The following RHEX variants were observed in gnomAD, a reference collection of about 807,000 sequenced individuals.
The protein encoded by RHEX is regulator of hemoglobinization and erythroid cell expansion protein.
A neutral mutation model predicts 20.1 loss-of-function variants in RHEX; 18 were observed. The observed-to-expected ratio is 0.90, with a 90% CI of 0.62 to 1.33. The LOEUF is 1.33. Ranked by LOEUF, RHEX falls within the 40% of genes most tolerant of loss-of-function variation. The probability of loss-of-function intolerance (pLI) is 0.00; values close to 1 mark genes in which losing one functional copy is unlikely to be tolerated. For missense variants in RHEX, 192 were observed against 214.3 expected (o/e 0.90, Z 0.65); for synonymous variants, 87 against 77.1 (o/e 1.13, Z -0.67).
At chr1:206,057,491 A>C (rs1189337828) in intron 1 of RHEX, among the ~76,000 whole-genome samples, 1 of 152,282 alleles carries the variant, frequency 6.6e-6, no homozygotes, top group Non-Finnish European at 1.5e-5. Context: ...TGGAGTTCCA[A>C]TTACACAGAA....
In RHEX at chr1:206,066,035, C is replaced by A. The variant is rs143255888; in HGVS notation, c.-97+12770C>A. Among the ~76,000 whole-genome samples, 20 of 152,352 alleles carry A rather than the reference C, an allele frequency of 1.3e-4. No individual in the cohort carries two copies. In the East Asian group the frequency reaches 3.7e-3, roughly 28 times the overall value. On this transcript the variant is annotated intron_variant, in intron 1 of 5. Transcript: ENST00000331555. ...GATCGCTGGCTGGATGTGTTCAGCA[C>A]CTTTGGTCCCTCCAGGGATTTCTGA...
chr1:206,077,717 G>A lies in RHEX; in HGVS notation c.-96-20016G>A, dbSNP rs527808117. ...AACTCAAGGCTACAACATCGTAGGT[G>A]GAGACTGAAAGCCTGGGGATGCTTG... On this transcript the variant is annotated intron_variant, in intron 1 of 5. Coordinates refer to ENST00000331555, the MANE Select transcript of RHEX (RefSeq NM_001007544.4). Among the ~76,000 whole-genome samples the A allele has an allele frequency of 3.6e-4, 55 of 152,334 alleles. 1 individual carries two copies. The South Asian group carries it at 9.7e-3, about 27-fold the overall frequency.
At chr1:206,079,838 C>T (rs1003979144) in intron 1 of RHEX, among the ~76,000 whole-genome samples, 2 of 152,222 alleles carry the variant, frequency 1.3e-5, no homozygotes, top group Middle Eastern at 3.2e-3. Context: ...CAGGCCTGAG[C>T]CACCGTGCCC....
chr1:206,063,004 T>C (rs1007408458), intron 1 of RHEX, among the ~76,000 whole-genome samples: 1 of 151,996 alleles, frequency 6.6e-6, no homozygotes, highest in Non-Finnish European at 1.5e-5. Context: ...TACGGGGAAA[T>C]AAAGCAAGCA....
chr1:206,067,837 T>A lies in RHEX; in HGVS notation c.-97+14572T>A, dbSNP rs908804770. 6.6e-6 allele frequency among the ~76,000 whole-genome samples: 1 copy of A among 152,238 alleles called. No individual in the cohort carries two copies. The highest frequency in any genetic ancestry group is 6.5e-5 in the Admixed American group (1 of 15,290). ...CTGTAATGAGCTTGCTTTCTTTAAC[T>A]CACTACTGTCTTGGTAAATTCTTTT... On this transcript the variant is annotated intron_variant, in intron 1 of 5. Coordinates refer to ENST00000331555, the MANE Select transcript of RHEX (RefSeq NM_001007544.4). The surrounding 1 kb of genome is among the most constrained non-coding windows in gnomAD (Gnocchi z 4.6).
rs543578121 is a variant in RHEX, at chr1:206,066,066, C to T, written c.-97+12801C>T. 2.6e-5 allele frequency among the ~76,000 whole-genome samples: 4 copies of T among 152,344 alleles called. No homozygotes were observed. The South Asian group carries it at 8.3e-4, about 32-fold the overall frequency. ...GTCCCTCCAGGGATTTCTGAAGATT[C>T]TCATTCAAATCAGTACCTGAGTTTG... On this transcript the variant is annotated intron_variant, in intron 1 of 5. Coordinates refer to ENST00000331555, the MANE Select transcript of RHEX (RefSeq NM_001007544.4).
rs1558171190 is a variant in RHEX at position 206,067,710 on chromosome 1, C to CTG, written c.-97+14445_-97+14446insTG. On this transcript the variant is annotated intron_variant, in intron 1 of 5. Transcript: ENST00000331555. The surrounding 1 kb of genome is among the most constrained non-coding windows in gnomAD (Gnocchi z 4.6). ...AGCACAACCTCATTCTGCACATACC[C>CTG]CCTCCAGTACAACCCTAGAAAACTT... Among the ~76,000 whole-genome samples the CTG allele has an allele frequency of 1.3e-5, 2 of 152,186 alleles. No individual in the cohort carries two copies. Among genetic ancestry groups the CTG allele is most frequent in the African/African-American group, 4.8e-5 (2 of 41,444 alleles).
At chr1:206,075,005 C>A (rs954304825) in intron 1 of RHEX, among the ~76,000 whole-genome samples, 24 of 152,236 alleles carry the variant, frequency 1.6e-4, no homozygotes, top group African/African-American at 5.8e-4. Flanking sequence ...GTGTGCATTA[C>A]TCACTGTGTT....
intron 1 of RHEX, among the ~76,000 whole-genome samples, chr1:206,056,087 C>T (rs754456942): frequency 6.6e-6 from 1 of 152,258 alleles, no homozygotes; most frequent in South Asian, 2.1e-4. Context: ...CCCCGCATAA[C>T]CATTGAAGTT....
chr1:206,059,712 T>C (rs530505337), intron 1 of RHEX, among the ~76,000 whole-genome samples: 1 of 152,238 alleles, frequency 6.6e-6, no homozygotes, highest in Admixed American at 6.5e-5. Flanking sequence ...TCCTCACCTA[T>C]ACAATGGGAG....
rs576327100 is a variant in RHEX at position 206,067,281 on chromosome 1, G to A, written c.-97+14016G>A. Among the ~76,000 whole-genome samples the A allele has an allele frequency of 2.0e-5, 3 of 152,178 alleles. No individual in the cohort carries two copies. Among genetic ancestry groups the A allele is most frequent in the African/African-American group, 4.8e-5 (2 of 41,538 alleles). On this transcript the variant is annotated intron_variant, in intron 1 of 5. Coordinates refer to ENST00000331555, the MANE Select transcript of RHEX (RefSeq NM_001007544.4). The surrounding 1 kb of genome is among the most constrained non-coding windows in gnomAD (Gnocchi z 4.6). The stretch of plus-strand genomic sequence containing the variant: ...TCAGATTTCATTCTGGTTCCACAGG[G>A]GACTCCAGAACGTGATTCCCGGTCT...
chr1:206,091,737 T>G (rs1662954153), intron 1 of RHEX, among the ~76,000 whole-genome samples: 1 of 152,218 alleles, frequency 6.6e-6, no homozygotes, highest in Non-Finnish European at 1.5e-5. Context: ...AATGTCTATT[T>G]TTGTAGAGTG....
Position 206,099,611 on chromosome 1 carries a change from G to A in RHEX, c.113-44G>A, listed in dbSNP as rs781850967. The A allele has an allele frequency of 1.2e-5, 19 of 1,599,146 alleles. No individual in the cohort carries two copies. The Middle Eastern group carries it at 8.2e-4, about 69-fold the overall frequency. On this transcript the variant is annotated intron_variant, in intron 3 of 5. Transcript: ENST00000331555. ...TGGGATTACAGGCATGAGCTACTGCGCCTGGCCAGTTTCCACTTTTGATCC... is the reference window on the plus strand; with the variant it reads ...TGGGATTACAGGCATGAGCTACTGCACCTGGCCAGTTTCCACTTTTGATCC...
intron 1 of RHEX, among the ~76,000 whole-genome samples, chr1:206,091,901 T>A (rs1662956425): frequency 6.6e-6 from 1 of 152,238 alleles, no homozygotes; most frequent in South Asian, 2.1e-4. Context: ...TGTCTTCCTG[T>A]GCCCTGTATT....
chr1:206,069,141 G>A (rs916451586), intron 1 of RHEX, among the ~76,000 whole-genome samples: 4 of 152,206 alleles, frequency 2.6e-5, no homozygotes, highest in African/African-American at 9.6e-5. Context: ...GGGTGAGTTT[G>A]CCACCCTTAC....
At position 206,090,292 on chromosome 1, in the gene RHEX, G is replaced by A. The variant is rs558531602; in HGVS notation, c.-96-7441G>A. 9.2e-5 allele frequency among the ~76,000 whole-genome samples: 13 copies of A among 141,102 alleles called. No homozygotes were observed. In the South Asian group the frequency reaches 1.5e-3, roughly 16 times the overall value. 92.6% of individuals were successfully genotyped at this position (141,102 alleles called of 152,430 possible). A position where few individuals can be genotyped will look rare whatever the true frequency, so the allele number is the denominator to read the frequency against. ...CACAATCTCGGCTCACTGCAATCTC[G>A]TCTCCTAGGTTCAAGCGATTCTCCT... On this transcript the variant is annotated intron_variant, in intron 1 of 5. Transcript: ENST00000331555.
chr1:206,064,999 A>T (rs1553284013), intron 1 of RHEX, among the ~76,000 whole-genome samples: 1 of 152,100 alleles, frequency 6.6e-6, no homozygotes. Context: ...GCTCTCTGAA[A>T]CATGTGCTGT....
Position 206,094,735 on chromosome 1 carries a change from A to G in RHEX, c.-96-2998A>G, listed in dbSNP as rs369150564. ...CTGTGTGTCATTTGGCTAGTAAGGG[A>G]GACAGGGTCTTACTCTGTCACCGGG... is the stretch of plus-strand genomic sequence containing the variant. On this transcript the variant is annotated intron_variant, in intron 1 of 5. Coordinates refer to ENST00000331555, the MANE Select transcript of RHEX (RefSeq NM_001007544.4). Among the ~76,000 whole-genome samples the G allele has an allele frequency of 9.9e-4, 150 of 152,284 alleles. 1 individual carries two copies. The highest frequency in any genetic ancestry group is 3.5e-3 in the African/African-American group (144 of 41,548).
At chr1:206,089,120 A>G (rs556272925) in intron 1 of RHEX, among the ~76,000 whole-genome samples, 2 of 152,306 alleles carry the variant, frequency 1.3e-5, no homozygotes, top group East Asian at 3.9e-4. Flanking sequence ...TGGTTTTTAT[A>G]TTTTATTTTC....
Sources: gnomAD v4.1 joint callset for allele counts (sites outside exome capture counted in the v4.1 genomes callset) on GRCh38, gnomAD v4.1.1 for gene constraint, Gnocchi (gnomAD v3.1) non-coding constraint, MANE v1.5 for transcripts, NCBI Gene and HGNC (gene_info 2026-07-23, HGNC 2026-07-21) for gene names.